The following KCTD16 variants were observed in gnomAD, a reference collection of about 807,000 sequenced individuals.
The protein encoded by KCTD16 is BTB/POZ domain-containing protein KCTD16.
Under a neutral mutation model 33.2 loss-of-function variants are expected in KCTD16, and 13 were observed. The observed-to-expected ratio is 0.39, with a 90% CI of 0.25 to 0.62. The LOEUF is 0.62. Ranked by LOEUF, KCTD16 falls within the 20% of genes least tolerant of loss-of-function variation. The pLI, the probability that KCTD16 is intolerant of heterozygous loss-of-function variation, is 0.50. For synonymous variants in KCTD16, 197 were observed against 195.3 expected (o/e 1.01, Z -0.07); for missense variants, 441 against 525.1 (o/e 0.84, Z 1.57).
chr5:144,272,168 A>AATAC (rs1755316419), intron 3 of KCTD16, among the ~76,000 whole-genome samples: 1 of 152,196 alleles, frequency 6.6e-6, no homozygotes, highest in Non-Finnish European at 1.5e-5. Flanking sequence ...TCATGCCTGT[A>AATAC]ATCCCAGCAT....
intron 3 of KCTD16, among the ~76,000 whole-genome samples, chr5:144,316,393 G>C (rs1464913482): frequency 1.3e-5 from 2 of 152,088 alleles, no homozygotes; most frequent in Non-Finnish European, 2.9e-5. Context: ...GAAGTCATTT[G>C]CCAAAGAGAA....
chr5:144,457,594 A>T (rs1284133551), intron 3 of KCTD16, among the ~76,000 whole-genome samples: 1 of 152,208 alleles, frequency 6.6e-6, no homozygotes, highest in Admixed American at 6.5e-5. Flanking sequence ...AGAGAATCAA[A>T]TATCTGATCA....
At chr5:144,453,687 A>G (rs1753997664) in intron 3 of KCTD16, among the ~76,000 whole-genome samples, 1 of 152,154 alleles carries the variant, frequency 6.6e-6, no homozygotes, top group Non-Finnish European at 1.5e-5. Flanking sequence ...GCATTGAGTA[A>G]TTGTTGTTAG....
chr5:144,305,500 A>G (rs1312529790), intron 3 of KCTD16, among the ~76,000 whole-genome samples: 1 of 152,182 alleles, frequency 6.6e-6, no homozygotes, highest in Admixed American at 6.5e-5. Flanking sequence ...CATATGCACT[A>G]GGAAAAGACC....
At chr5:144,207,752 A>G (rs1036012797) in intron 3 of KCTD16, among the ~76,000 whole-genome samples, 2 of 152,246 alleles carry the variant, frequency 1.3e-5, no homozygotes, top group African/African-American at 4.8e-5. Flanking sequence ...AGAATATTCA[A>G]AGGCCTCCAA....
At chr5:144,305,278 G>C (rs1376440253) in intron 3 of KCTD16, among the ~76,000 whole-genome samples, 1 of 152,138 alleles carries the variant, frequency 6.6e-6, no homozygotes, top group Admixed American at 6.5e-5. Context: ...AGATCTACCA[G>C]CAAAGGTTGT....
chr5:144,410,118 G>A (rs1279032952), intron 3 of KCTD16, among the ~76,000 whole-genome samples: 2 of 152,134 alleles, frequency 1.3e-5, no homozygotes, highest in Admixed American at 6.5e-5. Flanking sequence ...TAGAATGGCT[G>A]GATCAGAGGT....
chr5:144,410,539 A>G (rs1364802146), intron 3 of KCTD16, among the ~76,000 whole-genome samples: 1 of 152,074 alleles, frequency 6.6e-6, no homozygotes, highest in Non-Finnish European at 1.5e-5. Flanking sequence ...GGATTTTCAA[A>G]CGTGCCAAGT....
At chr5:144,430,651 C>T (rs1342726885) in intron 3 of KCTD16, among the ~76,000 whole-genome samples, 1 of 152,084 alleles carries the variant, frequency 6.6e-6, no homozygotes, top group Non-Finnish European at 1.5e-5. Flanking sequence ...AGACTTCAAG[C>T]AATAAGACAG....
At chr5:144,418,588 GTGTTGGTGCTCT>G (rs924605821) in intron 3 of KCTD16, among the ~76,000 whole-genome samples, 2 of 152,062 alleles carry the variant, frequency 1.3e-5, no homozygotes, top group African/African-American at 4.8e-5. Flanking sequence ...TTCTTTACTG[GTGTTGGTGCTCT>G]TGTCAAACAT....
intron 3 of KCTD16, among the ~76,000 whole-genome samples, chr5:144,281,195 T>C (rs1755599812): frequency 6.6e-6 from 1 of 152,106 alleles, no homozygotes; most frequent in Admixed American, 6.5e-5. Flanking sequence ...AAATCAAAAG[T>C]TTTCCATTTT....
chr5:144,363,135 A>C (rs2126917980), intron 3 of KCTD16, among the ~76,000 whole-genome samples: 1 of 152,184 alleles, frequency 6.6e-6, no homozygotes, highest in Non-Finnish European at 1.5e-5. Flanking sequence ...TGAGGTCAGG[A>C]GTTCGAGACC....
intron 3 of KCTD16, among the ~76,000 whole-genome samples, chr5:144,454,248 A>G (rs1754011837): frequency 6.6e-6 from 1 of 152,194 alleles, no homozygotes. Flanking sequence ...TATTTCAGTA[A>G]CAAGTTTATG....
chr5:144,186,039 T>C (rs894754966), intron 2 of KCTD16, among the ~76,000 whole-genome samples: 1 of 152,168 alleles, frequency 6.6e-6, no homozygotes, highest in African/African-American at 2.4e-5. Context: ...GAACTCCAAG[T>C]GAGCTTCAGA....
At chr5:144,244,512 C>A (rs557187736) in intron 3 of KCTD16, among the ~76,000 whole-genome samples, 1 of 152,242 alleles carries the variant, frequency 6.6e-6, no homozygotes, top group Non-Finnish European at 1.5e-5. Flanking sequence ...AAGTCAATTC[C>A]ACAGAATTGG....
chr5:144,395,694 T>C (rs1355312400), intron 3 of KCTD16, among the ~76,000 whole-genome samples: 4 of 152,120 alleles, frequency 2.6e-5, no homozygotes, highest in Non-Finnish European at 4.4e-5. Context: ...GGTAGTCGTT[T>C]TGGGGAGAAT....
chr5:144,380,724 C>T (rs923955682), intron 3 of KCTD16, among the ~76,000 whole-genome samples: 1 of 152,120 alleles, frequency 6.6e-6, no homozygotes, highest in Non-Finnish European at 1.5e-5. Flanking sequence ...GGGAAAGACT[C>T]CCTATTCAAT....
At chr5:144,394,598 A>C (rs1379925709) in intron 3 of KCTD16, among the ~76,000 whole-genome samples, 5 of 152,126 alleles carry the variant, frequency 3.3e-5, no homozygotes, top group Non-Finnish European at 5.9e-5. Context: ...CATAATCCCC[A>C]CATGTCGAGA....
intron 2 of KCTD16, among the ~76,000 whole-genome samples, chr5:144,204,434 G>T (rs999586198): frequency 3.9e-5 from 6 of 152,194 alleles, no homozygotes; most frequent in Admixed American, 1.3e-4. Flanking sequence ...GAAGCACTTT[G>T]TTAGTGGATT....
Sources: gnomAD v4.1 joint callset for allele counts (sites outside exome capture counted in the v4.1 genomes callset) on GRCh38, gnomAD v4.1.1 for gene constraint, MANE v1.5 for transcripts, NCBI Gene and HGNC (gene_info 2026-07-23, HGNC 2026-07-21) for gene names.